The following AMOTL1 variants were observed in gnomAD, a reference collection of about 807,000 sequenced individuals.
The protein encoded by AMOTL1 is angiomotin-like protein 1.
Under a neutral mutation model 102.9 loss-of-function variants are expected in AMOTL1, and 45 were observed. The observed-to-expected ratio is 0.44, with a 90% confidence interval of 0.34 to 0.56. The LOEUF (loss-of-function observed/expected upper bound fraction) is 0.56. Ranked by LOEUF, AMOTL1 falls within the 20% of genes least tolerant of loss-of-function variation. AMOTL1 has a pLI of 0.01. For synonymous variants in AMOTL1, 481 were observed against 484.7 expected, an observed-to-expected ratio of 0.99 and a Z score of 0.10; for missense variants, 1,114 against 1,225.6, an observed-to-expected ratio of 0.91 and a Z score of 1.36.
At chr11:94,779,152 A>G (rs1467026676) in intron 1 of AMOTL1, among the ~76,000 whole-genome samples, 1 of 152,186 alleles carries the variant, frequency 6.6e-6, no homozygotes, top group Non-Finnish European at 1.5e-5. Context: ...TCATGTTATC[A>G]TTAGATAAAG....
chr11:94,727,589 G>C (rs1393629616), intron 1 of AMOTL1, among the ~76,000 whole-genome samples: 1 of 152,146 alleles, frequency 6.6e-6, no homozygotes, highest in African/African-American at 2.4e-5. Context: ...AGTCTGGGAG[G>C]CCTGAAGAGG....
At chr11:94,811,383 C>T (rs1414448324) in intron 3 of AMOTL1, among the ~76,000 whole-genome samples, 2 of 151,850 alleles carry the variant, frequency 1.3e-5, no homozygotes, top group Admixed American at 6.6e-5. Context: ...TAGTCCCAGC[C>T]GCTCGGGAGG....
At chr11:94,792,311 G>T (rs191510880) in intron 1 of AMOTL1, among the ~76,000 whole-genome samples, 53 of 152,236 alleles carry the variant, frequency 3.5e-4, no homozygotes, top group African/African-American at 1.3e-3. Flanking sequence ...CACACACCGG[G>T]GCCTGACACT....
intron 1 of AMOTL1, among the ~76,000 whole-genome samples, chr11:94,777,745 C>A (rs1461280949): frequency 6.6e-6 from 1 of 152,130 alleles, no homozygotes; most frequent in Non-Finnish European, 1.5e-5. Flanking sequence ...ATAGAAGAGA[C>A]ATTAGGGAGC....
intron 1 of AMOTL1, among the ~76,000 whole-genome samples, chr11:94,709,017 G>A (rs1159709761): frequency 6.6e-6 from 1 of 152,206 alleles, no homozygotes; most frequent in Non-Finnish European, 1.5e-5. Flanking sequence ...AAAAGGACTT[G>A]TGCATTTAGA....
At chr11:94,814,453 C>T (rs891072713) in intron 3 of AMOTL1, among the ~76,000 whole-genome samples, 3 of 152,226 alleles carry the variant, frequency 2.0e-5, no homozygotes, top group Admixed American at 2.0e-4. Flanking sequence ...CTCCACTGCT[C>T]AGCCAGCTGG....
chr11:94,850,161 G>A lies in AMOTL1; in HGVS notation c.1696G>A (p.Ala566Thr). The A allele has an allele frequency of 1.9e-6, 3 of 1,588,558 alleles. No homozygotes were observed. The highest frequency in any genetic ancestry group is 2.3e-5 in the South Asian group (2 of 86,712). Residue 566 changes from alanine (A) to threonine (T), a missense_variant, in exon 7 of 13, where the codon GCA (alanine) becomes ACA (threonine). Coordinates refer to ENST00000433060, the MANE Select transcript of AMOTL1 (RefSeq NM_130847.3). ...GGAGAAATTAGAAATGGAGTTAGCA[G>A]CAGTGCGGACTGCAAGTGAGGACCA... is the stretch of plus-strand genomic sequence containing the variant. The part of the protein sequence containing the change: ...EKEKLEMELA[A>T]VRTASEDHRR...
chr11:94,851,530 C>G (rs535466478), intron 7 of AMOTL1, among the ~76,000 whole-genome samples: 5 of 152,114 alleles, frequency 3.3e-5, no homozygotes, highest in Non-Finnish European at 5.9e-5. Flanking sequence ...GGTCTTAATT[C>G]AGTTCAGATA....
At chr11:94,767,426 AG>A (rs1480205961), upstream of AMOTL1, among the ~76,000 whole-genome samples, 1 of 152,200 alleles carries the variant, frequency 6.6e-6, no homozygotes, top group African/African-American at 2.4e-5. Flanking sequence ...GCCACAATCC[AG>A]GGAGGAGTCC....
At chr11:94,714,360 G>A (rs921872443) in intron 1 of AMOTL1, among the ~76,000 whole-genome samples, 6 of 151,892 alleles carry the variant, frequency 4.0e-5, no homozygotes, top group Admixed American at 2.6e-4. Context: ...CTTTTGTACC[G>A]TGTCTGGTTT....
chr11:94,858,799 A>G (rs1273410990), intron 8 of AMOTL1, among the ~76,000 whole-genome samples: 1 of 152,200 alleles, frequency 6.6e-6, no homozygotes, highest in African/African-American at 2.4e-5. Flanking sequence ...GAAATAGTGT[A>G]CCTAATTAAA....
chr11:94,768,356 A>C lies in AMOTL1; in HGVS notation c.-156A>C. ...AGCGGGGAGCGCGGACGGCGGCGGGAGCGCGCGAGAAGCTCTAGGACCCAG... is the reference window on the plus strand; with the variant it reads ...AGCGGGGAGCGCGGACGGCGGCGGGCGCGCGCGAGAAGCTCTAGGACCCAG... On this transcript the variant is annotated 5_prime_UTR_variant, in exon 1 of 13. Coordinates refer to ENST00000433060, the MANE Select transcript of AMOTL1 (RefSeq NM_130847.3). The C allele has an allele frequency of 3.1e-5, 42 of 1,335,698 alleles. No homozygotes were observed. Among genetic ancestry groups the C allele is most frequent in the East Asian group, 9.4e-5 (3 of 31,846 alleles). 82.7% of individuals were successfully genotyped at this position (1,335,698 alleles called of 1,614,324 possible). A position where few individuals can be genotyped will look rare whatever the true frequency, so the allele number is the denominator to read the frequency against.
chr11:94,752,858 A>C (rs548458405), intron 3 of AMOTL1, among the ~76,000 whole-genome samples: 92 of 152,286 alleles, frequency 6.0e-4, no homozygotes, highest in African/African-American at 2.2e-3. Context: ...GGTGGGGTAC[A>C]ATAGTCTACT....
intron 3 of AMOTL1, among the ~76,000 whole-genome samples, chr11:94,820,667 A>G (rs1465560560): frequency 2.0e-5 from 3 of 152,180 alleles, no homozygotes; most frequent in Non-Finnish European, 1.5e-5. Context: ...TATATGATGA[A>G]ATAATTATGC....
chr11:94,869,188 C>G lies in AMOTL1; in HGVS notation c.2489-10C>G. On this transcript the variant is annotated splice_polypyrimidine_tract_variant and intron_variant, in intron 11 of 12. Coordinates refer to ENST00000433060, the MANE Select transcript of AMOTL1 (RefSeq NM_130847.3). ...AAAAGAATGTTGAAAAATCTGTTCTCTGCCCTCAGGATTGCTGCTGGGGAA... is the reference window on the plus strand; with the variant it reads ...AAAAGAATGTTGAAAAATCTGTTCTGTGCCCTCAGGATTGCTGCTGGGGAA... 6.4e-7 allele frequency: 1 copy of G among 1,565,626 alleles called. No homozygotes were observed. Among genetic ancestry groups the G allele is most frequent in the African/African-American group, 1.4e-5 (1 of 73,140 alleles).
At chr11:94,865,529 C>A (rs12418312) in intron 10 of AMOTL1, among the ~76,000 whole-genome samples, 25,298 of 152,144 alleles carry the variant, frequency 0.17, 2,923 homozygotes, top group Admixed American at 0.36. Flanking sequence ...CATCTTGGTT[C>A]TTTTTTCTTA....
intron 12 of AMOTL1, among the ~76,000 whole-genome samples, chr11:94,869,828 C>G (rs1310906624): frequency 3.3e-5 from 5 of 152,190 alleles, no homozygotes; most frequent in Admixed American, 2.6e-4. Context: ...ATCAAAGGCA[C>G]AAGTTCACTG....
chr11:94,834,310 G>C (rs915042452), intron 6 of AMOTL1, among the ~76,000 whole-genome samples: 3 of 152,066 alleles, frequency 2.0e-5, no homozygotes, highest in Non-Finnish European at 4.4e-5. Flanking sequence ...GTCTCGGGCC[G>C]GGCGCGGTGG....
chr11:94,854,388 G>A (rs147124079), intron 8 of AMOTL1, among the ~76,000 whole-genome samples: 33 of 152,246 alleles, frequency 2.2e-4, no homozygotes, highest in Non-Finnish European at 4.1e-4. Context: ...GAGTTTTTGG[G>A]CATTCAAGGG....
Sources: allele counts gnomAD v4.1 joint callset (sites outside exome capture counted in the v4.1 genomes callset), GRCh38; gene constraint gnomAD v4.1.1; transcripts MANE v1.5; gene names NCBI Gene and HGNC (gene_info 2026-07-23, HGNC 2026-07-21).